The following EOGT variants were observed in gnomAD, a reference collection of about 807,000 sequenced individuals.
The protein encoded by EOGT is EGF domain specific O-linked N-acetylglucosamine transferase, also known as EGF domain-specific O-linked N-acetylglucosamine transferase.
Under a neutral mutation model 70.5 loss-of-function variants are expected in EOGT, and 55 were observed. The ratio of observed to expected loss-of-function variants is 0.78; its 90% CI spans 0.63 to 0.98. EOGT has a LOEUF of 0.98. EOGT is among the 50% of genes least tolerant of loss of function. The pLI, the probability that EOGT is intolerant of heterozygous loss-of-function variation, is 0.00. For synonymous variants in EOGT, 246 were observed against 217.1 expected (o/e 1.13, Z -1.17); for missense variants, 703 against 641.9 (o/e 1.10, Z -1.03).
rs1460603442 is a variant in EOGT, at chr3:68,977,003, T to C, written c.*615A>G. The C allele has an allele frequency of 6.6e-6, 1 of 152,394 alleles. No individual in the cohort carries two copies. 9.4% of individuals were successfully genotyped at this position (152,394 alleles called of 1,614,324 possible). On this transcript the variant is annotated 3_prime_UTR_variant, in exon 18 of 18. Coordinates refer to ENST00000383701, the MANE Select transcript of EOGT (RefSeq NM_001278689.2). The stretch of plus-strand genomic sequence containing the variant: ...GGTGAAACTCCGTCTCTATCAAAAA[T>C]ACAAAAATCAACTGGGCGTGGTGGT...
At chr3:69,006,418 AT>A (rs2091442001) in intron 6 of EOGT, among the ~76,000 whole-genome samples, 1 of 152,278 alleles carries the variant, frequency 6.6e-6, no homozygotes, top group African/African-American at 2.4e-5. Flanking sequence ...AAATTAAAAA[AT>A]TTTTTTAGTT....
chr3:68,977,899 A>G, intron 17 of EOGT, 135 bp from the exon 18 acceptor site: 1 of 826,418 alleles, frequency 1.2e-6, no homozygotes, highest in Non-Finnish European at 1.9e-6. Context: ...TTTTCCTGAT[A>G]AGGGCCAGAT....
intron 3 of EOGT, among the ~76,000 whole-genome samples, chr3:69,011,267 C>G (rs918568835): frequency 1.4e-5 from 2 of 139,528 alleles, no homozygotes; most frequent in South Asian, 4.6e-4. Flanking sequence ...TCAGCTAGGA[C>G]TGCTGTTTCC....
At chr3:68,986,211 A>G (rs1162902488) in intron 14 of EOGT, among the ~76,000 whole-genome samples, 6 of 152,206 alleles carry the variant, frequency 3.9e-5, no homozygotes, top group Non-Finnish European at 2.9e-5. Context: ...GGATGATCCA[A>G]GATAATCTTC....
At chr3:68,997,345 G>T (rs1412717127) in intron 10 of EOGT, among the ~76,000 whole-genome samples, 30 of 151,536 alleles carry the variant, frequency 2.0e-4, no homozygotes, top group Admixed American at 1.8e-3. Flanking sequence ...TCCAACATAG[G>T]TTACAGAGGT....
In EOGT at chr3:68,982,796, T is replaced by C. The variant is rs1326959296; in HGVS notation, c.1214+15A>G. 9.5e-6 allele frequency: 15 copies of C among 1,586,550 alleles called. No homozygotes were observed. In the East Asian group the frequency reaches 2.0e-4, roughly 22 times the overall value. ...CAAAAGTTGACAGTGTCTGCTGAGA[T>C]TGGCTATTACTTACCTATACTTGTA... On this transcript the variant is annotated intron_variant, in intron 15 of 17. Coordinates refer to ENST00000383701, the MANE Select transcript of EOGT (RefSeq NM_001278689.2).
At position 68,979,469 on chromosome 3, in the gene EOGT, G is replaced by T. The variant is rs74443709; in HGVS notation, c.1334+199C>A. 8.5e-5 allele frequency among the ~76,000 whole-genome samples: 13 copies of T among 152,318 alleles called. No individual in the cohort carries two copies. In the East Asian group the frequency reaches 2.5e-3, roughly 29 times the overall value. ...GGGATGGGAAGATGAAGGGGTAGTT[G>T]GCTTACTAAGTGCAATGGCAGGCTG... On this transcript the variant is annotated intron_variant, in intron 16 of 17. Transcript: ENST00000383701.
At chr3:68,988,066 C>T (rs1021429800) in intron 13 of EOGT, among the ~76,000 whole-genome samples, 2 of 152,182 alleles carry the variant, frequency 1.3e-5, no homozygotes, top group African/African-American at 4.8e-5. Flanking sequence ...AGGCACATGC[C>T]ACCTCGTCCA....
chr3:68,992,296 G>A (rs1575739482), intron 10 of EOGT, among the ~76,000 whole-genome samples: 1 of 152,146 alleles, frequency 6.6e-6, no homozygotes, highest in South Asian at 2.1e-4. Flanking sequence ...TCCTAGATAC[G>A]ATGGGGATAC....
rs368897920 is a variant in EOGT, at chr3:69,008,475, T to C, written c.264A>G (p.Pro88=). 1 of 1,614,050 alleles carries C rather than the reference T, an allele frequency of 6.2e-7. No individual in the cohort carries two copies. The highest frequency in any genetic ancestry group is 1.3e-5 in the African/African-American group (1 of 74,938). ...AAACTGGGTAACCAAACCTGAACTC[T>C]GGTTTGCAGGATTTCTCATAACCCC... ...YCWGYEKSCK[P]EFRFGYPVCS... is the part of the protein sequence containing the mutation. The change falls in exon 5 of 18, where the codon CCA becomes CCG. Residue 88 remains proline, a synonymous_variant. Transcript: ENST00000383701.
At position 68,993,735 on chromosome 3, in the gene EOGT, A is replaced by T. The variant is rs1021206114; in HGVS notation, c.831+4276T>A. Reference sequence around the variant, plus strand: ...TACACCCGAGACTGGGAAGAAAAAGAGGTTTAACTGGACTTACAGTTCCAC... The same window carrying T: ...TACACCCGAGACTGGGAAGAAAAAGTGGTTTAACTGGACTTACAGTTCCAC... On this transcript the variant is annotated intron_variant, in intron 10 of 17. Coordinates refer to ENST00000383701, the MANE Select transcript of EOGT (RefSeq NM_001278689.2). 3.3e-5 allele frequency among the ~76,000 whole-genome samples: 5 copies of T among 152,172 alleles called. No individual in the cohort carries two copies. In the East Asian group the frequency reaches 9.6e-4, roughly 29 times the overall value.
chr3:69,007,587 G>A (rs1381850125), intron 6 of EOGT, 126 bp downstream of exon 6: 6 of 437,680 alleles, frequency 1.4e-5, no homozygotes, highest in African/African-American at 4.3e-5. Context: ...GGGAGGCAGA[G>A]GTTGCAGTGA....
intron 3 of EOGT, among the ~76,000 whole-genome samples, chr3:69,011,628 A>G (rs2091581535): frequency 6.6e-6 from 1 of 151,744 alleles, no homozygotes. Flanking sequence ...AGAAAGAAGA[A>G]AAGGAAATTG....
chr3:69,003,750 G>A (rs2091362225), intron 8 of EOGT, among the ~76,000 whole-genome samples: 1 of 152,186 alleles, frequency 6.6e-6, no homozygotes, highest in Non-Finnish European at 1.5e-5. Context: ...TAGAGCCTGG[G>A]AGGGAGACTG....
At chr3:68,982,635 A>C (rs77797409) in intron 15 of EOGT, 176 bp downstream of exon 15, 4,371 of 411,760 alleles carry the variant, frequency 0.011, 64 homozygotes, top group East Asian at 0.034. Flanking sequence ...AAAGCCAAAG[A>C]GTAACTGCCC....
chr3:69,000,518 GAATTT>G (rs1406608925), intron 9 of EOGT, among the ~76,000 whole-genome samples: 1 of 152,036 alleles, frequency 6.6e-6, no homozygotes, highest in African/African-American at 2.4e-5. Context: ...TCTGATTTCT[GAATTT>G]AATACTTTGT....
At chr3:68,982,786 T>C (rs915751686) in intron 15 of EOGT, 25 bp downstream of exon 15, 4 of 1,572,258 alleles carry the variant, frequency 2.5e-6, no homozygotes, top group Non-Finnish European at 3.5e-6. Context: ...GTTGACAGTG[T>C]CTGCTGAGAT....
At chr3:68,983,716 C>T (rs745867757) in intron 14 of EOGT, among the ~76,000 whole-genome samples, 7 of 152,236 alleles carry the variant, frequency 4.6e-5, no homozygotes, top group Non-Finnish European at 1.0e-4. Context: ...GCAATCCCAG[C>T]ACTTTGGGAG....
Position 68,979,544 on chromosome 3 carries a change from T to C in EOGT, c.1334+124A>G, listed in dbSNP as rs542493049. 4.1e-5 allele frequency: 45 copies of C among 1,103,004 alleles called. No individual in the cohort carries two copies. In the East Asian group the frequency reaches 1.1e-3, roughly 27 times the overall value. 68.3% of individuals were successfully genotyped at this position (1,103,004 alleles called of 1,614,324 possible). On this transcript the variant is annotated intron_variant, in intron 16 of 17. Transcript: ENST00000383701. ...GCCTCTTTTCTTTCCAGATTGTCTATATGATGTGACTTCTCTTTTTGAATG... is the reference window on the plus strand; with the variant it reads ...GCCTCTTTTCTTTCCAGATTGTCTACATGATGTGACTTCTCTTTTTGAATG...
Sources: gnomAD v4.1 joint callset for allele counts (sites outside exome capture counted in the v4.1 genomes callset) on GRCh38, gnomAD v4.1.1 for gene constraint, MANE v1.5 for transcripts, NCBI Gene and HGNC (gene_info 2026-07-23, HGNC 2026-07-21) for gene names.